TMEM178B: variants seen among roughly 807,000 people sequenced by gnomAD.
The protein encoded by TMEM178B is transmembrane protein 178B.
A neutral mutation model predicts 31.0 loss-of-function variants in TMEM178B; 5 were observed. The ratio of observed to expected loss-of-function variants is 0.16; its 90% CI spans 0.08 to 0.34. The LOEUF (loss-of-function observed/expected upper bound fraction) is 0.34, where lower values mean the gene tolerates loss of function less well. Ranked by LOEUF, TMEM178B falls within the 10% of genes least tolerant of loss-of-function variation. The probability of loss-of-function intolerance (pLI) is 1.00; values close to 1 mark genes in which losing one functional copy is unlikely to be tolerated. For missense variants in TMEM178B, 275 were observed against 400.3 expected (o/e 0.69, Z 2.67); for synonymous variants, 164 against 164.0 (o/e 1.00, Z 0.00).
At chr7:141,329,526 A>G (rs973502725) in intron 2 of TMEM178B, among the ~76,000 whole-genome samples, 1 of 152,218 alleles carries the variant, frequency 6.6e-6, no homozygotes, top group African/African-American at 2.4e-5. Context: ...CTTCCACAGG[A>G]TAAAGCTTTT....
intron 2 of TMEM178B, among the ~76,000 whole-genome samples, chr7:141,267,669 G>A (rs1031310089): frequency 1.3e-5 from 2 of 152,208 alleles, no homozygotes; most frequent in Non-Finnish European, 2.9e-5. Flanking sequence ...AGGCTTCACC[G>A]GCACTGCTAC....
chr7:141,089,943 G>A (rs1403168922), intron 1 of TMEM178B, among the ~76,000 whole-genome samples: 2 of 151,842 alleles, frequency 1.3e-5, no homozygotes, highest in African/African-American at 4.8e-5. Context: ...CACCAACATG[G>A]CATATGTATA....
In TMEM178B at chr7:141,470,605, G is replaced by T; in HGVS notation, c.704G>T (p.Arg235Leu). The change falls in exon 4 of 4, where the codon CGC becomes CTC. Residue 235 changes from arginine (R) to leucine (L), a missense_variant. Physicochemically the swap from Arg to Leu is moderately radical, Grantham distance 102. Transcript: ENST00000565468. ...GINFELSRYPRYLYGLPDDIS... is the reference protein window; with the variant it reads ...GINFELSRYPLYLYGLPDDIS... ...AACTTTGAGCTGTCACGCTACCCACGCTACCTGTACGGACTCCCTGATGAC... is the reference window on the plus strand; with the variant it reads ...AACTTTGAGCTGTCACGCTACCCACTCTACCTGTACGGACTCCCTGATGAC... The T allele has an allele frequency of 6.5e-7, 1 of 1,534,910 alleles. No homozygotes were observed. Among genetic ancestry groups the T allele is most frequent in the Non-Finnish European group, 8.7e-7 (1 of 1,146,540 alleles).
At chr7:141,091,669 G>A (rs1380951594) in intron 1 of TMEM178B, among the ~76,000 whole-genome samples, 2 of 152,146 alleles carry the variant, frequency 1.3e-5, no homozygotes, top group Non-Finnish European at 2.9e-5. Context: ...TCCCTGCATT[G>A]AGATCCTTAT....
intron 1 of TMEM178B, among the ~76,000 whole-genome samples, chr7:141,146,664 T>C (rs1345203323): frequency 2.6e-5 from 4 of 152,228 alleles, no homozygotes; most frequent in Non-Finnish European, 5.9e-5. Context: ...ACTAAGGATC[T>C]TCATAGCCTT....
chr7:141,096,024 A>G (rs1361746890), intron 1 of TMEM178B, among the ~76,000 whole-genome samples: 4 of 152,254 alleles, frequency 2.6e-5, no homozygotes, highest in Non-Finnish European at 5.9e-5. Context: ...CTACAAGGCC[A>G]CTACTGGCAT....
chr7:141,494,896 G>C, the TMEM178B span, among the ~76,000 whole-genome samples: 1 of 152,192 alleles, frequency 6.6e-6, no homozygotes, highest in Non-Finnish European at 1.5e-5. Flanking sequence ...GATAATATAG[G>C]AGGTGAGGAA....
chr7:141,255,318 A>G (rs1372249282), intron 2 of TMEM178B, among the ~76,000 whole-genome samples: 1 of 152,208 alleles, frequency 6.6e-6, no homozygotes, highest in African/African-American at 2.4e-5. Flanking sequence ...CCTTAAAGGA[A>G]CAAGCGTACT....
chr7:141,145,977 T>G (rs1046170022), intron 1 of TMEM178B, among the ~76,000 whole-genome samples: 2 of 152,236 alleles, frequency 1.3e-5, no homozygotes, highest in African/African-American at 4.8e-5. Flanking sequence ...GGTAACTATT[T>G]GTTGGAGTAA....
chr7:141,310,619 C>T (rs1248522681), intron 2 of TMEM178B, among the ~76,000 whole-genome samples: 1 of 152,076 alleles, frequency 6.6e-6, no homozygotes, highest in Non-Finnish European at 1.5e-5. Flanking sequence ...ATGTTCCCTT[C>T]CTGGAACGGT....
At chr7:141,507,887 G>A in the TMEM178B span, among the ~76,000 whole-genome samples, 1 of 152,114 alleles carries the variant, frequency 6.6e-6, no homozygotes, top group Admixed American at 6.5e-5. Context: ...TTTGCTCCTG[G>A]GCCTCTGGGC....
intron 1 of TMEM178B, among the ~76,000 whole-genome samples, chr7:141,132,542 C>G (rs1795610497): frequency 6.6e-6 from 1 of 152,058 alleles, no homozygotes; most frequent in Non-Finnish European, 1.5e-5. Flanking sequence ...CTGGAAATAG[C>G]CTCTGAAACC....
intron 2 of TMEM178B, among the ~76,000 whole-genome samples, chr7:141,238,879 C>G (rs572484661): frequency 2.6e-5 from 4 of 152,298 alleles, no homozygotes; most frequent in African/African-American, 7.2e-5. Context: ...ATAGCTGCAG[C>G]CTATATCTTT....
chr7:141,409,706 G>C (rs1313369361), intron 2 of TMEM178B, among the ~76,000 whole-genome samples: 2 of 151,642 alleles, frequency 1.3e-5, no homozygotes, highest in Non-Finnish European at 2.9e-5. Flanking sequence ...AAACACAAGT[G>C]CTTGTCCTTT....
intron 2 of TMEM178B, among the ~76,000 whole-genome samples, chr7:141,232,122 C>T (rs1314327575): frequency 1.3e-5 from 2 of 152,140 alleles, no homozygotes; most frequent in African/African-American, 4.8e-5. Flanking sequence ...CATCCATGTC[C>T]CTGCAAAGGA....
chr7:141,171,239 G>A lies in TMEM178B; in HGVS notation c.383-41352G>A, dbSNP rs372070188. On this transcript the variant is annotated intron_variant, in intron 1 of 3. Transcript: ENST00000565468. This position sits in a 1 kb window ranked among gnomAD's most constrained non-coding sequence, Gnocchi z 4.3. ...AGGCTGAGGACAGAGGATCCCTTGC[G>A]TTCAGGAGTTGGAGACCAGCCAAGG... 1.1e-4 allele frequency among the ~76,000 whole-genome samples: 16 copies of A among 152,100 alleles called. No homozygotes were observed. The East Asian group carries it at 1.5e-3, about 15-fold the overall frequency.
chr7:141,094,500 T>G (rs901298716), intron 1 of TMEM178B, among the ~76,000 whole-genome samples: 1 of 152,248 alleles, frequency 6.6e-6, no homozygotes, highest in Non-Finnish European at 1.5e-5. Context: ...CAGAGTAGCC[T>G]AGCTATTCTA....
rs1794563018 is a variant in TMEM178B, at chr7:141,074,454, C to A, written c.144C>A (p.Thr48=). ...GGGACAGGTGCAAGGCCTTCAACAC[C>A]CGCCGGGTCGACCCCGGCTTCATTT... ...KHRDRCKAFN[T]RRVDPGFIYN... Residue 48 remains threonine (T), a synonymous_variant, in exon 1 of 4, where the codon ACC becomes ACA. Coordinates refer to ENST00000565468, the MANE Select transcript of TMEM178B (RefSeq NM_001195278.2). The surrounding 1 kb of genome is among the most constrained non-coding windows in gnomAD (Gnocchi z 5.1). The A allele has an allele frequency of 6.5e-7, 1 of 1,536,018 alleles. No individual in the cohort carries two copies. Among genetic ancestry groups the A allele is most frequent in the Admixed American group, 2.0e-5 (1 of 50,990 alleles).
chr7:141,332,700 G>C (rs1360909382), intron 2 of TMEM178B, among the ~76,000 whole-genome samples: 1 of 152,238 alleles, frequency 6.6e-6, no homozygotes, highest in Non-Finnish European at 1.5e-5. Context: ...ATGCAGATCA[G>C]TTTGTTTCCT....
Sources: allele counts gnomAD v4.1 joint callset (sites outside exome capture counted in the v4.1 genomes callset), GRCh38; gene constraint gnomAD v4.1.1; non-coding constraint Gnocchi (gnomAD v3.1); transcripts MANE v1.5; gene names NCBI Gene and HGNC (gene_info 2026-07-23, HGNC 2026-07-21).